The following LINGO3 variants were observed in gnomAD, a reference collection of about 807,000 sequenced individuals.
The protein encoded by LINGO3 is leucine rich repeat and Ig domain containing 3.
For synonymous variants in LINGO3, 427 were observed against 444.2 expected (o/e 0.96, Z 0.49); for missense variants, 750 against 867.7 (o/e 0.86, Z 1.70).
At chr19:2,292,522 C>A (rs759808292), upstream of LINGO3, among the ~76,000 whole-genome samples, 78 of 151,568 alleles carry the variant, frequency 5.1e-4, no homozygotes, top group Non-Finnish European at 9.9e-4. Flanking sequence ...TGGAGGCTCA[C>A]TCTGTCATCC....
At chr19:2,289,079 G>A (rs118189898), downstream of LINGO3, among the ~76,000 whole-genome samples, 11 of 150,586 alleles carry the variant, frequency 7.3e-5, no homozygotes, top group African/African-American at 1.5e-4. Context: ...GCTGTATCCC[G>A]GGTGTGAGCT....
At chr19:2,289,554 G>C (rs1206308238), downstream of LINGO3, among the ~76,000 whole-genome samples, 1 of 152,070 alleles carries the variant, frequency 6.6e-6, no homozygotes, top group Non-Finnish European at 1.5e-5. Context: ...TGGGACCCGG[G>C]TGTCCACCGT....
At chr19:2,291,662 C>G in exon 1 of LINGO3, 1 of 1,391,818 alleles carries the variant, frequency 7.2e-7, no homozygotes, top group Non-Finnish European at 9.2e-7. Context: ...CGCGTGCAGG[C>G]CACCGCGCGG....
chr19:2,291,516 C>G (rs1443872883), exon 1 of LINGO3: 1 of 1,609,960 alleles, frequency 6.2e-7, no homozygotes, highest in Admixed American at 1.7e-5. Context: ...CGATGGCGTT[C>G]TCGCTCAGGT....
rs1316678252 is a variant in LINGO3, at chr19:2,290,215, G to A, written c.1562C>T (p.Pro521Leu). 10 of 1,607,548 alleles carry A rather than the reference G, an allele frequency of 6.2e-6. No individual in the cohort carries two copies. Among genetic ancestry groups the A allele is most frequent in the Non-Finnish European group, 8.5e-6 (10 of 1,178,134 alleles). Reference sequence around the variant, plus strand: ...CACCAGGATGGTGGTGAGGTCGAGCGGCGCGCGCAGGGCCGCCAGCGTCTC... The same window carrying A: ...CACCAGGATGGTGGTGAGGTCGAGCAGCGCGCGCAGGGCCGCCAGCGTCTC... Residue 521 changes from proline (P) to leucine (L), a missense_variant, in exon 1 of 1, where the codon CCG (proline) becomes CTG (leucine). By Grantham distance (98) the Pro-to-Leu change is moderately conservative (BLOSUM62 -3). Transcript: ENST00000585527. This position sits in a 1 kb window ranked among gnomAD's most constrained non-coding sequence, Gnocchi z 6.0.
downstream of LINGO3, among the ~76,000 whole-genome samples, chr19:2,289,495 C>A (rs1002671888): frequency 3.9e-5 from 6 of 152,062 alleles, no homozygotes; most frequent in Admixed American, 2.0e-4. Context: ...CAGGTGTGAG[C>A]AATGCAGACT....
At chr19:2,301,330 ACT>A in the LINGO3 span, among the ~76,000 whole-genome samples, 10 of 143,586 alleles carry the variant, frequency 7.0e-5, no homozygotes, top group Non-Finnish European at 1.2e-4. Flanking sequence ...TATGTGGATG[ACT>A]CTCTGTCTTG....
At chr19:2,289,981 T>A in exon 1 of LINGO3, 1 of 1,393,214 alleles carries the variant, frequency 7.2e-7, no homozygotes, top group Non-Finnish European at 9.4e-7. Context: ...GAGGGGAGGG[T>A]CCGCCCTGGG....
chr19:2,303,179 C>T, the LINGO3 span, among the ~76,000 whole-genome samples: 2 of 152,228 alleles, frequency 1.3e-5, no homozygotes, highest in Non-Finnish European at 2.9e-5. Context: ...CCTGTCTCTG[C>T]GAATTGGCCC....
the LINGO3 span, among the ~76,000 whole-genome samples, chr19:2,298,252 A>G: frequency 1.3e-5 from 2 of 151,986 alleles, no homozygotes; most frequent in East Asian, 3.9e-4. Flanking sequence ...TTATTTAGAG[A>G]CAGGTTCTTG....
chr19:2,291,196 A>G (rs1159461192), exon 1 of LINGO3: 1 of 1,609,250 alleles, frequency 6.2e-7, no homozygotes, highest in Non-Finnish European at 8.5e-7. Context: ...CAGATGGCCC[A>G]GCGACTCCCC....
At position 2,290,310 on chromosome 19, in the gene LINGO3, G is replaced by A. The variant is rs2025505464; in HGVS notation, c.1467C>T (p.Asp489=). The change falls in exon 1 of 1, where the codon GAC becomes GAT. Residue 489 remains aspartate (D), a synonymous_variant. Transcript: ENST00000585527. The surrounding 1 kb of genome is among the most constrained non-coding windows in gnomAD (Gnocchi z 6.0). ...GCACGGTCAGCGTGGCGAAGTAGGT[G>A]TCGTTGCCGCCCGCGTTGCTGGCCA... The A allele has an allele frequency of 6.4e-7, 1 of 1,567,568 alleles. No homozygotes were observed. Among genetic ancestry groups the A allele is most frequent in the African/African-American group, 1.4e-5 (1 of 73,426 alleles).
At chr19:2,306,692 G>A in the LINGO3 span, among the ~76,000 whole-genome samples, 1 of 152,164 alleles carries the variant, frequency 6.6e-6, no homozygotes, top group Non-Finnish European at 1.5e-5. Flanking sequence ...TCATTTGCCG[G>A]AAGTCACCGG....
At chr19:2,296,346 GGTT>G (rs1267588120), upstream of LINGO3, among the ~76,000 whole-genome samples, 6 of 152,296 alleles carry the variant, frequency 3.9e-5, no homozygotes, top group Non-Finnish European at 7.4e-5. Flanking sequence ...CGGGCGCGGT[GGTT>G]CACGCCTGTC....
upstream of LINGO3, among the ~76,000 whole-genome samples, chr19:2,293,841 T>C (rs1444650389): frequency 6.6e-6 from 1 of 151,272 alleles, no homozygotes; most frequent in African/African-American, 2.4e-5. Context: ...TCACCTGAGG[T>C]CAGGAGTTCG....
exon 1 of LINGO3, chr19:2,289,856 G>T: frequency 1.5e-6 from 1 of 658,428 alleles, no homozygotes; most frequent in Non-Finnish European, 2.6e-6. Flanking sequence ...CAGTCCTGCG[G>T]TTGGGCGTCT....
At chr19:2,289,931 GC>G in exon 1 of LINGO3, 1 of 1,335,810 alleles carries the variant, frequency 7.5e-7, no homozygotes, top group Non-Finnish European at 1.0e-6. Context: ...TCCGGGAAAT[GC>G]ATAGGTGGAC....
At position 2,291,829 on chromosome 19, in the gene LINGO3, G is replaced by A. The variant is rs756565329; in HGVS notation, c.-53C>T. The stretch of plus-strand genomic sequence containing the variant: ...CCACCATCCTCCTGCGCACCTGCGG[G>A]CGGGCGGGGAGCGGGCAGCGTTAGC... On this transcript the variant is annotated 5_prime_UTR_variant, in exon 1 of 1. Transcript: ENST00000585527. 50 of 1,433,882 alleles carry A rather than the reference G, an allele frequency of 3.5e-5. No individual in the cohort carries two copies. The African/African-American group carries it at 5.6e-4, about 16-fold the overall frequency. The allele number at this position is 1,433,882 out of a possible 1,614,324, so 88.8% of individuals were successfully genotyped here.
chr19:2,287,264 G>C (rs988822980), downstream of LINGO3, among the ~76,000 whole-genome samples: 1 of 152,092 alleles, frequency 6.6e-6, no homozygotes. This position sits in a 1 kb window ranked among gnomAD's most constrained non-coding sequence, Gnocchi z 4.5. Context: ...GGGATGGGGT[G>C]GGGGGCTCAG....
Sources: gnomAD v4.1 joint callset for allele counts (sites outside exome capture counted in the v4.1 genomes callset) on GRCh38, gnomAD v4.1.1 for gene constraint, Gnocchi (gnomAD v3.1) non-coding constraint, MANE v1.5 for transcripts, NCBI Gene and HGNC (gene_info 2026-07-23, HGNC 2026-07-21) for gene names.